Variants in TBCK observed in about 807,000 individuals in gnomAD.
TBCK encodes TBC domain-containing protein kinase-like protein.
Under a neutral mutation model 113.4 loss-of-function variants are expected in TBCK, and 99 were observed. The observed-to-expected ratio is 0.87, with a 90% CI of 0.74 to 1.03. The LOEUF is 1.03. Ranked by LOEUF, TBCK falls within the 50% of genes least tolerant of loss-of-function variation. The pLI, the probability that TBCK is intolerant of heterozygous loss-of-function variation, is 0.00. For synonymous variants in TBCK, 369 were observed against 370.8 expected, an observed-to-expected ratio of 1.00 and a Z score of 0.05; for missense variants, 1,045 against 1,061.3, an observed-to-expected ratio of 0.98 and a Z score of 0.21.
chr4:106,095,512 G>A lies in TBCK; in HGVS notation c.2541C>T (p.Ile847=), dbSNP rs1421077670. The stretch of plus-strand genomic sequence containing the variant: ...CTGTGTGTTTTGCCACATGCCCCAC[G>A]ATGACAATGACCTTCCCTTTGAAGT... ...LQNFKGKVIV[I]VGHVAKHTAE... is the part of the protein sequence containing the mutation. Residue 847 remains isoleucine (I), a synonymous_variant, in exon 25 of 26, where the codon ATC becomes ATT. Transcript: ENST00000394708. The A allele has an allele frequency of 6.2e-7, 1 of 1,613,750 alleles. No homozygotes were observed. The highest frequency in any genetic ancestry group is 1.3e-5 in the African/African-American group (1 of 74,892).
Position 106,295,163 on chromosome 4 carries a change from C to T in TBCK, c.197G>A (p.Arg66Gln), listed in dbSNP as rs35784409. ...YVDISRGKHE[R>Q]LVVVAEHCER... ...ACAATGTTCAGCCACGACCACTAGT[C>T]GTTCTGAGAAAAACAAAGCAAACCC... Residue 66 changes from arginine (R) to glutamine (Q), a missense_variant, in exon 3 of 26, where the codon CGA becomes CAA. Transcript: ENST00000394708. 5.6e-6 allele frequency: 9 copies of T among 1,608,974 alleles called. No individual in the cohort carries two copies. Among genetic ancestry groups the T allele is most frequent in the South Asian group, 3.3e-5 (3 of 90,306 alleles).
Position 106,116,300 on chromosome 4 carries a change from A to T in TBCK, c.2314T>A (p.Cys772Ser), listed in dbSNP as rs375088818. ...AAGTGGCCTGTCACTGTGAGCTCACACAAGTCAATCAGGTCCTCTGCTGAA... is the reference window on the plus strand; with the variant it reads ...AAGTGGCCTGTCACTGTGAGCTCACTCAAGTCAATCAGGTCCTCTGCTGAA... The part of the protein sequence containing the change: ...RISAEDLIDL[C>S]ELTVTGHFKT... The change falls in exon 24 of 26, where the codon TGT becomes AGT. Residue 772 changes from cysteine to serine, a missense_variant. Cys to Ser is a moderately radical substitution (Grantham distance 112, BLOSUM62 -1). Coordinates refer to ENST00000394708, the MANE Select transcript of TBCK (RefSeq NM_001163435.3). The T allele has an allele frequency of 2.5e-6, 4 of 1,613,984 alleles. No individual in the cohort carries two copies. Among genetic ancestry groups the T allele is most frequent in the African/African-American group, 1.3e-5 (1 of 74,896 alleles).
At position 106,246,944 on chromosome 4, in the gene TBCK, C is replaced by G. The variant is rs56857547; in HGVS notation, c.931+195G>C. ...AAGTGATCCTCCCTCTTTGACCTCCCAAAGTGCTGGGATTACAGGCATGAG... is the reference window on the plus strand; with the variant it reads ...AAGTGATCCTCCCTCTTTGACCTCCGAAAGTGCTGGGATTACAGGCATGAG... On this transcript the variant is annotated intron_variant, in intron 10 of 25. Transcript: ENST00000394708. Among the ~76,000 whole-genome samples, 5,143 of 152,148 alleles carry G rather than the reference C, an allele frequency of 0.034. 297 individuals carry two copies. The highest frequency in any genetic ancestry group is 0.12 in the African/African-American group (4,850 of 41,504).
intron 19 of TBCK, among the ~76,000 whole-genome samples, chr4:106,225,260 T>C (rs762720376): frequency 4.6e-5 from 7 of 152,178 alleles, no homozygotes; most frequent in Admixed American, 1.3e-4. Flanking sequence ...AGAACATTTA[T>C]GGTGGCTTTA....
chr4:106,097,541 A>T (rs1276452634), intron 24 of TBCK, among the ~76,000 whole-genome samples: 1 of 152,182 alleles, frequency 6.6e-6, no homozygotes, highest in Non-Finnish European at 1.5e-5. Context: ...GCCTAGTTAT[A>T]AATAAGTATA....
At position 106,308,919 on chromosome 4, in the gene TBCK, G is replaced by A; in HGVS notation, c.42C>T (p.Phe14=). 1 of 1,614,142 alleles carries A rather than the reference G, an allele frequency of 6.2e-7. No individual in the cohort carries two copies. The highest frequency in any genetic ancestry group is 8.5e-7 in the Non-Finnish European group (1 of 1,180,010). ...CATCATGTGGCAGAGCCGAGGCAAA[G>A]AAGGTAAAGGCTCCCATTTCAGCGT... is the stretch of plus-strand genomic sequence containing the variant. ...LKDAEMGAFT[F]FASALPHDVC... The change falls in exon 2 of 26, where the codon TTC becomes TTT. Residue 14 remains phenylalanine, a synonymous_variant. Coordinates refer to ENST00000394708, the MANE Select transcript of TBCK (RefSeq NM_001163435.3).
intron 21 of TBCK, among the ~76,000 whole-genome samples, 197 bp from the exon 22 acceptor site, chr4:106,193,967 G>C (rs1753941528): frequency 6.6e-6 from 1 of 151,960 alleles, no homozygotes; most frequent in South Asian, 2.1e-4. Context: ...TTAAAAAATT[G>C]ATAATCAAAC....
chr4:106,122,366 A>C (rs1744527988), intron 23 of TBCK, among the ~76,000 whole-genome samples: 1 of 152,180 alleles, frequency 6.6e-6, no homozygotes, highest in Non-Finnish European at 1.5e-5. Flanking sequence ...CAGGAGCTGA[A>C]ATTGTGGCAA....
intron 24 of TBCK, among the ~76,000 whole-genome samples, chr4:106,112,286 T>C (rs1024094750): frequency 6.6e-6 from 1 of 152,224 alleles, no homozygotes; most frequent in Non-Finnish European, 1.5e-5. Context: ...TCTATGGACC[T>C]GCAAATAGCA....
At chr4:106,182,442 G>C (rs1002004736) in intron 22 of TBCK, 1 of 152,146 alleles carries the variant, frequency 6.6e-6, no homozygotes, top group African/African-American at 2.4e-5. Flanking sequence ...TCCTTGTCCT[G>C]TGCCAGTTTT....
At chr4:106,220,632 A>C (rs547742895) in intron 19 of TBCK, among the ~76,000 whole-genome samples, 4 of 152,246 alleles carry the variant, frequency 2.6e-5, no homozygotes, top group Non-Finnish European at 5.9e-5. Flanking sequence ...AAGATACTCA[A>C]GTAATACTTT....
chr4:106,295,439 A>T (rs373938712), intron 2 of TBCK, among the ~76,000 whole-genome samples: 3 of 152,180 alleles, frequency 2.0e-5, no homozygotes, highest in African/African-American at 7.2e-5. Context: ...TCCTTGGGGA[A>T]AAAAATAACT....
rs370663738 is a variant in TBCK, at chr4:106,071,643, T to C, written c.2571+23839A>G. ...TTGGTGCAGAGGTGAGTTCAAGTCC[T>C]GGATATCCTTGTTAACCTTCTGTCT... On this transcript the variant is annotated intron_variant, in intron 25 of 25. Coordinates refer to ENST00000394708, the MANE Select transcript of TBCK (RefSeq NM_001163435.3). Among the ~76,000 whole-genome samples, 36 of 152,316 alleles carry C rather than the reference T, an allele frequency of 2.4e-4. 2 individuals are homozygous for C. In the South Asian group the frequency reaches 7.0e-3, roughly 30 times the overall value.
chr4:106,177,704 G>C (rs1240074856), intron 22 of TBCK, among the ~76,000 whole-genome samples: 1 of 151,878 alleles, frequency 6.6e-6, no homozygotes, highest in African/African-American at 2.4e-5. Context: ...AGGTTTTTAT[G>C]TCAGTACAAT....
At chr4:106,129,335 C>G (rs1226946661) in intron 23 of TBCK, among the ~76,000 whole-genome samples, 1 of 152,136 alleles carries the variant, frequency 6.6e-6, no homozygotes, top group African/African-American at 2.4e-5. Flanking sequence ...TTGTTCCCCT[C>G]CCTGTGCCCA....
At chr4:106,228,823 G>C (rs1407178052) in intron 19 of TBCK, among the ~76,000 whole-genome samples, 2 of 152,128 alleles carry the variant, frequency 1.3e-5, no homozygotes, top group East Asian at 3.9e-4. Context: ...CCTCTAAACT[G>C]TTCTCCATAG....
intron 22 of TBCK, among the ~76,000 whole-genome samples, chr4:106,186,529 C>A (rs575537615): frequency 2.6e-5 from 4 of 152,126 alleles, no homozygotes; most frequent in Admixed American, 6.6e-5. Flanking sequence ...ATACAGATGT[C>A]TTCTTTTGAG....
intron 25 of TBCK, among the ~76,000 whole-genome samples, chr4:106,075,166 C>T (rs775171655): frequency 6.6e-6 from 1 of 152,140 alleles, no homozygotes; most frequent in Non-Finnish European, 1.5e-5. Flanking sequence ...AATAGGCCTA[C>T]AGATCTGTAC....
intron 22 of TBCK, among the ~76,000 whole-genome samples, chr4:106,175,247 A>T (rs12642227): frequency 0.2 from 30,647 of 151,724 alleles, 3,284 homozygotes; most frequent in African/African-American, 0.28. Context: ...TTTCTGAATA[A>T]ATTATTTTTT....
Sources: gnomAD v4.1 joint callset for allele counts (sites outside exome capture counted in the v4.1 genomes callset) on GRCh38, gnomAD v4.1.1 for gene constraint, MANE v1.5 for transcripts, NCBI Gene and HGNC (gene_info 2026-07-23, HGNC 2026-07-21) for gene names.